Variants in PLXNA4 observed in about 807,000 individuals in gnomAD.
The protein encoded by PLXNA4 is plexin-A4.
A neutral mutation model predicts 191.8 loss-of-function variants in PLXNA4; 44 were observed. The observed-to-expected ratio is 0.23, with a 90% confidence interval of 0.18 to 0.29. PLXNA4 has a LOEUF of 0.29. Ranked by LOEUF, PLXNA4 falls within the 10% of genes least tolerant of loss-of-function variation. The pLI, the probability that PLXNA4 is intolerant of heterozygous loss-of-function variation, is 1.00. For synonymous variants in PLXNA4, 1,082 were observed against 1,009.5 expected (o/e 1.07, Z -1.36); for missense variants, 1,800 against 2,488.8 (o/e 0.72, Z 5.89).
At chr7:132,423,666 A>T (rs1385802477) in intron 3 of PLXNA4, among the ~76,000 whole-genome samples, 1 of 152,146 alleles carries the variant, frequency 6.6e-6, no homozygotes, top group Admixed American at 6.5e-5. Flanking sequence ...CCTCCCTTCC[A>T]CAACAGCACA....
intron 3 of PLXNA4, among the ~76,000 whole-genome samples, chr7:132,410,617 C>T (rs1209871119): frequency 6.6e-6 from 1 of 152,198 alleles, no homozygotes; most frequent in Non-Finnish European, 1.5e-5. Context: ...AGGAGGGTTA[C>T]CAAGTGCTGC....
chr7:132,457,396 C>T (rs1339662827), intron 3 of PLXNA4, among the ~76,000 whole-genome samples: 2 of 152,220 alleles, frequency 1.3e-5, no homozygotes, highest in African/African-American at 4.8e-5. Context: ...CCTTTAAGCA[C>T]ATGTCCCCCA....
chr7:132,239,217 C>T (rs1798800179), intron 5 of PLXNA4, among the ~76,000 whole-genome samples: 1 of 152,088 alleles, frequency 6.6e-6, no homozygotes, highest in South Asian at 2.1e-4. Flanking sequence ...TAAACTGAGG[C>T]CATAAAGGAA....
chr7:132,233,069 C>A lies in PLXNA4; in HGVS notation c.1605-4600G>T, dbSNP rs561414577. Among the ~76,000 whole-genome samples, 204 of 152,260 alleles carry A rather than the reference C, an allele frequency of 1.3e-3. 1 individual carries two copies. Among genetic ancestry groups the A allele is most frequent in the Middle Eastern group, 3.4e-3 (1 of 294 alleles). Reference sequence around the variant, plus strand: ...ATGACCTATGCTTAAGGTGCACCATCTGTGCTTAGAATTGAGAAGATTGAA... The same window carrying A: ...ATGACCTATGCTTAAGGTGCACCATATGTGCTTAGAATTGAGAAGATTGAA... On this transcript the variant is annotated intron_variant, in intron 5 of 31. Transcript: ENST00000321063.
chr7:132,443,549 C>T (rs1795779529), intron 3 of PLXNA4, among the ~76,000 whole-genome samples: 1 of 152,210 alleles, frequency 6.6e-6, no homozygotes, highest in African/African-American at 2.4e-5. Context: ...GGCCTGTTGT[C>T]CATTTCCTGG....
chr7:132,638,780 G>A lies in PLXNA4; in HGVS notation c.-87+7148C>T, dbSNP rs553948967. On this transcript the variant is annotated intron_variant, in intron 2 of 4. Coordinates refer to the PLXNA4 transcript ENST00000378539. ...ATAAAAATATATATATATATTAATG[G>A]TAAGGAAGCATCTTGAGCTTAGAGG... is the stretch of plus-strand genomic sequence containing the variant. Among the ~76,000 whole-genome samples the A allele has an allele frequency of 1.6e-4, 25 of 152,146 alleles. No homozygotes were observed. In the South Asian group the frequency reaches 5.0e-3, roughly 30 times the overall value.
At chr7:132,308,933 A>T (rs1433433723) in intron 3 of PLXNA4, among the ~76,000 whole-genome samples, 1 of 152,078 alleles carries the variant, frequency 6.6e-6, no homozygotes, top group African/African-American at 2.4e-5. Context: ...AGGCTAGAAG[A>T]TGTGGCCTGC....
At chr7:132,300,746 C>A (rs1801273913) in intron 3 of PLXNA4, among the ~76,000 whole-genome samples, 1 of 152,224 alleles carries the variant, frequency 6.6e-6, no homozygotes, top group African/African-American at 2.4e-5. Context: ...CTGGGAGGTG[C>A]CCCTGGAGCA....
chr7:132,474,212 TCTCACA>T (rs1355909880), intron 3 of PLXNA4, among the ~76,000 whole-genome samples: 19 of 100,986 alleles, frequency 1.9e-4, no homozygotes, highest in African/African-American at 7.7e-4. Context: ...GATCTCTCTG[TCTCACA>T]CACACACACA....
At chr7:132,276,028 C>G (rs1025886000) in intron 4 of PLXNA4, among the ~76,000 whole-genome samples, 6 of 152,212 alleles carry the variant, frequency 3.9e-5, no homozygotes, top group Non-Finnish European at 7.3e-5. Flanking sequence ...TCCCTGCAAC[C>G]CTTAGTCCCA....
At position 132,140,775 on chromosome 7, in the gene PLXNA4, GTTC is replaced by G. The variant is rs1362373199; in HGVS notation, c.5259_5261del (p.Lys1753del). The G allele has an allele frequency of 6.2e-7, 1 of 1,614,080 alleles. No homozygotes were observed. Among genetic ancestry groups the G allele is most frequent in the Non-Finnish European group, 8.5e-7 (1 of 1,180,006 alleles). The stretch of plus-strand genomic sequence containing the variant: ...TATGGATGTCAAACACAAACTGCGG[GTTC>G]TTGATCATGTTGACCCAAAACCTCA... On this transcript the variant is annotated inframe_deletion, in exon 30 of 32. Coordinates refer to ENST00000321063, the MANE Select transcript of PLXNA4 (RefSeq NM_020911.2).
intron 29 of PLXNA4, 130 bp from the exon 30 acceptor site, chr7:132,140,941 C>A: frequency 2.1e-6 from 3 of 1,444,016 alleles, no homozygotes; most frequent in Non-Finnish European, 9.2e-7. Flanking sequence ...CTCTATGCTG[C>A]GGATGGGATG....
chr7:132,457,137 TC>T (rs1173427687), intron 3 of PLXNA4, among the ~76,000 whole-genome samples: 4 of 152,192 alleles, frequency 2.6e-5, no homozygotes, highest in Non-Finnish European at 4.4e-5. Flanking sequence ...ACACCCAGCT[TC>T]CCCTTGTGTT....
intron 4 of PLXNA4, among the ~76,000 whole-genome samples, chr7:132,253,594 A>G (rs1351720497): frequency 6.6e-6 from 1 of 152,128 alleles, no homozygotes; most frequent in East Asian, 1.9e-4. Flanking sequence ...AACTATGGAA[A>G]GGGCTCTTGT....
At chr7:132,639,267 T>C (rs527358507) in intron 2 of PLXNA4, among the ~76,000 whole-genome samples, 1 of 152,292 alleles carries the variant, frequency 6.6e-6, no homozygotes, top group East Asian at 1.9e-4. Flanking sequence ...CCTTAGGCCT[T>C]TGTGCTAATT....
chr7:132,583,738 C>T (rs987422721), intron 2 of PLXNA4, among the ~76,000 whole-genome samples: 8 of 152,178 alleles, frequency 5.3e-5, no homozygotes, highest in Admixed American at 5.2e-4. Flanking sequence ...TTTTCCTGGC[C>T]AGGCCCTATA....
At chr7:132,391,314 G>T (rs988137439) in intron 3 of PLXNA4, among the ~76,000 whole-genome samples, 4 of 152,202 alleles carry the variant, frequency 2.6e-5, no homozygotes, top group African/African-American at 9.6e-5. Flanking sequence ...TCCCTTACTC[G>T]ATCTCCCCCA....
chr7:132,480,823 G>T (rs1407837401), intron 3 of PLXNA4, among the ~76,000 whole-genome samples: 2 of 152,186 alleles, frequency 1.3e-5, no homozygotes, highest in African/African-American at 4.8e-5. Flanking sequence ...GTGGAGGCAG[G>T]TTGGTGATGT....
At chr7:132,310,456 CAT>C (rs1801684889) in intron 3 of PLXNA4, among the ~76,000 whole-genome samples, 1 of 152,198 alleles carries the variant, frequency 6.6e-6, no homozygotes, top group Non-Finnish European at 1.5e-5. Context: ...CAAATGAACA[CAT>C]GAGTCCCATT....
Sources: allele counts gnomAD v4.1 joint callset (sites outside exome capture counted in the v4.1 genomes callset), GRCh38; gene constraint gnomAD v4.1.1; transcripts MANE v1.5; gene names NCBI Gene and HGNC (gene_info 2026-07-23, HGNC 2026-07-21).